MTNR1A: variants seen among roughly 807,000 people sequenced by gnomAD.
MTNR1A encodes melatonin receptor 1A.
In MTNR1A, 7 loss-of-function variants were observed where a neutral mutation model predicts 5.5. The ratio of observed to expected loss-of-function variants is 1.28; its 90% confidence interval spans 0.73 to 2.40. The LOEUF (loss-of-function observed/expected upper bound fraction) is 2.40. MTNR1A is among the 30% of genes most tolerant of loss of function. The pLI, the probability that MTNR1A is intolerant of heterozygous loss-of-function variation, is 0.00. For synonymous variants in MTNR1A, 196 were observed against 202.7 expected (o/e 0.97, Z 0.28); for missense variants, 441 against 464.4 (o/e 0.95, Z 0.46).
In MTNR1A at chr4:186,533,979, T is replaced by C. The variant is rs1189928826; in HGVS notation, c.763A>G (p.Asn255Asp). ...GAGGCCACGGCCAGGCCAATGAAGT[T>C]CAGAGGAGCCCAGCAAATGGCAAAA... ...VLFAICWAPL[N>D]FIGLAVASDP... The change falls in exon 2 of 2, where the codon AAC (asparagine) becomes GAC (aspartate). Residue 255 changes from asparagine to aspartate, a missense_variant. By Grantham distance (23) the Asn-to-Asp change is conservative (BLOSUM62 1). Coordinates refer to ENST00000307161, the MANE Select transcript of MTNR1A (RefSeq NM_005958.4). 4 of 1,613,982 alleles carry C rather than the reference T, an allele frequency of 2.5e-6. No individual in the cohort carries two copies. The African/African-American group carries it at 5.3e-5, about 22-fold the overall frequency.
rs146472456 is a variant in MTNR1A, at chr4:186,534,301, G to A, written c.441C>T (p.Tyr147=). The A allele has an allele frequency of 3.0e-5, 48 of 1,614,040 alleles. No individual in the cohort carries two copies. The highest frequency in any genetic ancestry group is 1.0e-4 in the Admixed American group (6 of 59,998). The change falls in exon 2 of 2, where the codon TAC becomes TAT. Residue 147 remains tyrosine (Y), a synonymous_variant. Coordinates refer to ENST00000307161, the MANE Select transcript of MTNR1A (RefSeq NM_005958.4). ...GCGTCAGGAGCCATATGAGGAGCAC[G>A]TAGCAGAGGGAGTTCTTGCTGCTGT... ...KLYSSKNSLC[Y]VLLIWLLTLA... is the part of the protein sequence containing the mutation.
At chr4:186,543,683 T>C (rs1017414282) in intron 1 of MTNR1A, among the ~76,000 whole-genome samples, 4 of 152,210 alleles carry the variant, frequency 2.6e-5, no homozygotes, top group African/African-American at 7.2e-5. Context: ...ACTAGAATAA[T>C]AAAAATGATG....
At chr4:186,547,211 C>T (rs1312618806) in intron 1 of MTNR1A, among the ~76,000 whole-genome samples, 1 of 80,192 alleles carries the variant, frequency 1.2e-5, no homozygotes, top group Non-Finnish European at 2.5e-5. Flanking sequence ...TGGGACACAC[C>T]GTCCACACCA....
At chr4:186,535,798 C>T (rs962015967) in intron 1 of MTNR1A, among the ~76,000 whole-genome samples, 1 of 152,076 alleles carries the variant, frequency 6.6e-6, no homozygotes, top group Non-Finnish European at 1.5e-5. Flanking sequence ...ATTCCTTCTG[C>T]CTCGAATGGC....
chr4:186,536,693 C>T (rs7674082), intron 1 of MTNR1A, among the ~76,000 whole-genome samples: 146,484 of 152,342 alleles, frequency 0.96, 70,469 homozygotes, highest in East Asian at 1. Context: ...GAGAGAAAGG[C>T]AAAATTTGTG....
chr4:186,533,922 C>G lies in MTNR1A; in HGVS notation c.820G>C (p.Glu274Gln), dbSNP rs1736770843. The change falls in exon 2 of 2, where the codon GAG becomes CAG. Residue 274 changes from glutamate to glutamine, a missense_variant. Physicochemically the swap from Glu to Gln is conservative, Grantham distance 29. Coordinates refer to ENST00000307161, the MANE Select transcript of MTNR1A (RefSeq NM_005958.4). ...DPASMVPRIP[E>Q]WLFVASYYMA... ...TAGTAACTGGCCACAAACAGCCACT[C>G]TGGGATCCTAGGCACCATGCTGGCG... 2 of 1,614,062 alleles carry G rather than the reference C, an allele frequency of 1.2e-6. No individual in the cohort carries two copies. Among genetic ancestry groups the G allele is most frequent in the South Asian group, 1.1e-5 (1 of 91,094 alleles).
intron 1 of MTNR1A, among the ~76,000 whole-genome samples, chr4:186,551,915 T>C (rs1737273823): frequency 6.6e-6 from 1 of 152,158 alleles, no homozygotes; most frequent in African/African-American, 2.4e-5. Flanking sequence ...TAAAAACATA[T>C]ACTGACAAGT....
rs776459084 is a variant in MTNR1A at position 186,534,267 on chromosome 4, C to T, written c.475G>A (p.Val159Ile). The T allele has an allele frequency of 4.3e-6, 7 of 1,613,986 alleles. No individual in the cohort carries two copies. The highest frequency in any genetic ancestry group is 1.1e-5 in the South Asian group (1 of 91,076). Residue 159 changes from valine to isoleucine, a missense_variant, in exon 2 of 2, where the codon GTC becomes ATC. Val to Ile is a conservative substitution (Grantham distance 29). Coordinates refer to ENST00000307161, the MANE Select transcript of MTNR1A (RefSeq NM_005958.4). The part of the protein sequence containing the change: ...LLIWLLTLAA[V>I]LPNLRAGTLQ... ...GTCCCTGCACGGAGGTTGGGCAGGA[C>T]GGCCGCCAGCGTCAGGAGCCATATG...
chr4:186,552,302 C>T (rs979144080), intron 1 of MTNR1A, among the ~76,000 whole-genome samples: 1 of 152,170 alleles, frequency 6.6e-6, no homozygotes, highest in African/African-American at 2.4e-5. Context: ...ACACCAGTAT[C>T]ACAGTTTTGT....
intron 1 of MTNR1A, among the ~76,000 whole-genome samples, chr4:186,536,654 G>A (rs991604156): frequency 1.3e-5 from 2 of 152,134 alleles, no homozygotes; most frequent in Non-Finnish European, 2.9e-5. Flanking sequence ...CCCAATATTT[G>A]AAATGAGACA....
chr4:186,534,857 C>T (rs1444332366), intron 1 of MTNR1A, among the ~76,000 whole-genome samples: 1 of 152,202 alleles, frequency 6.6e-6, no homozygotes, highest in Non-Finnish European at 1.5e-5. Flanking sequence ...GATCAGAATG[C>T]TTGCACACCA....
chr4:186,549,237 T>C (rs1311442592), intron 1 of MTNR1A, among the ~76,000 whole-genome samples: 1 of 79,950 alleles, frequency 1.3e-5, no homozygotes, highest in African/African-American at 4.4e-5. Context: ...TTCCTAAATA[T>C]GTTCAGAAAA....
chr4:186,551,379 G>A (rs1737263754), intron 1 of MTNR1A, among the ~76,000 whole-genome samples: 3 of 151,666 alleles, frequency 2.0e-5, no homozygotes, highest in Admixed American at 2.0e-4. Flanking sequence ...ATTTCTGGTT[G>A]ATTTCACTGT....
chr4:186,542,318 A>G (rs1737043463), intron 1 of MTNR1A, among the ~76,000 whole-genome samples: 1 of 152,184 alleles, frequency 6.6e-6, no homozygotes, highest in East Asian at 1.9e-4. Context: ...CTACCTTTTC[A>G]GGCCCTTAAA....
intron 1 of MTNR1A, among the ~76,000 whole-genome samples, chr4:186,550,892 A>T (rs1432430939): frequency 6.6e-6 from 1 of 152,256 alleles, no homozygotes; most frequent in East Asian, 1.9e-4. Context: ...CTTAGGGTTC[A>T]TAACAATGTA....
At chr4:186,538,091 G>A (rs868502624) in intron 1 of MTNR1A, among the ~76,000 whole-genome samples, 2 of 152,314 alleles carry the variant, frequency 1.3e-5, no homozygotes, top group Non-Finnish European at 1.5e-5. Context: ...CTAGTCCTGT[G>A]AGTCCCTTCT....
Position 186,555,197 on chromosome 4 carries a change from T to G in MTNR1A, c.169A>C (p.Lys57Gln), listed in dbSNP as rs750194975. 5.6e-6 allele frequency: 9 copies of G among 1,594,914 alleles called. No homozygotes were observed. In the South Asian group the frequency reaches 1.0e-4, roughly 18 times the overall value. ...LVILSVYRNK[K>Q]LRNAGNIFVV... Reference sequence around the variant, plus strand: ...CGGGCCCTACCTGCGTTCCTGAGCTTCTTGTTCCGATACACCGACAGGATG... The same window carrying G: ...CGGGCCCTACCTGCGTTCCTGAGCTGCTTGTTCCGATACACCGACAGGATG... The change falls in exon 1 of 2, where the codon AAG becomes CAG. Residue 57 changes from lysine to glutamine, a missense_variant. Physicochemically the swap from Lys to Gln is moderately conservative, Grantham distance 53. Coordinates refer to ENST00000307161, the MANE Select transcript of MTNR1A (RefSeq NM_005958.4). This position sits in a 1 kb window ranked among gnomAD's most constrained non-coding sequence, Gnocchi z 4.1.
intron 1 of MTNR1A, among the ~76,000 whole-genome samples, chr4:186,548,124 A>G (rs1000129983): frequency 2.0e-5 from 3 of 152,162 alleles, no homozygotes; most frequent in Admixed American, 6.5e-5. Flanking sequence ...AAAAAACTAT[A>G]TGAACTCTCT....
intron 1 of MTNR1A, among the ~76,000 whole-genome samples, chr4:186,542,720 T>C (rs13126117): frequency 0.18 from 28,150 of 152,168 alleles, 3,309 homozygotes; most frequent in East Asian, 0.57. Flanking sequence ...GCAAAATGTT[T>C]GCTTCCTTTC....
Sources: allele counts gnomAD v4.1 joint callset (sites outside exome capture counted in the v4.1 genomes callset), GRCh38; gene constraint gnomAD v4.1.1; non-coding constraint Gnocchi (gnomAD v3.1); transcripts MANE v1.5; gene names NCBI Gene and HGNC (gene_info 2026-07-23, HGNC 2026-07-21).